APPBP2: variants seen among roughly 807,000 people sequenced by gnomAD.
APPBP2 encodes the protein amyloid protein-binding protein 2.
Under a neutral mutation model 76.0 loss-of-function variants are expected in APPBP2, and 15 were observed. That is an observed-to-expected ratio of 0.20 (90% CI 0.13 to 0.30). The LOEUF (loss-of-function observed/expected upper bound fraction) is 0.30. APPBP2 is among the 10% of genes least tolerant of loss of function. APPBP2 has a pLI of 1.00. For missense variants in APPBP2, 401 were observed against 687.2 expected (o/e 0.58, Z 4.66); for synonymous variants, 222 against 242.2 (o/e 0.92, Z 0.77).
At chr17:60,449,330 G>A (rs1258147352) in intron 12 of APPBP2, among the ~76,000 whole-genome samples, 2 of 152,158 alleles carry the variant, frequency 1.3e-5, no homozygotes, top group Non-Finnish European at 1.5e-5. Flanking sequence ...GGTGGCTCAC[G>A]CCTGTAATCC....
chr17:60,514,696 G>C lies in APPBP2; in HGVS notation c.138+11098C>G, dbSNP rs965174606. Among the ~76,000 whole-genome samples, 5 of 152,168 alleles carry C rather than the reference G, an allele frequency of 3.3e-5. 1 individual carries two copies. Among genetic ancestry groups the C allele is most frequent in the South Asian group, 4.1e-4 (2 of 4,832 alleles). Reference sequence around the variant, plus strand: ...ACAGGATTTTCCACACATTCAACAAGTATTCCTGGAAGAAAAATTCTTTAA... The same window carrying C: ...ACAGGATTTTCCACACATTCAACAACTATTCCTGGAAGAAAAATTCTTTAA... On this transcript the variant is annotated intron_variant, in intron 1 of 12. Coordinates refer to ENST00000083182, the MANE Select transcript of APPBP2 (RefSeq NM_006380.5).
chr17:60,490,586 T>C (rs956223639), intron 3 of APPBP2, among the ~76,000 whole-genome samples: 2 of 152,200 alleles, frequency 1.3e-5, no homozygotes. Context: ...GGAAGACTGC[T>C]TGAGCCCAAG....
intron 4 of APPBP2, among the ~76,000 whole-genome samples, chr17:60,466,908 T>C (rs2090515404): frequency 6.6e-6 from 1 of 152,182 alleles, no homozygotes; most frequent in African/African-American, 2.4e-5. Context: ...ATAATGTTCA[T>C]TTTTTCCAAT....
At chr17:60,495,944 T>G (rs188011882) in intron 2 of APPBP2, among the ~76,000 whole-genome samples, 1 of 152,302 alleles carries the variant, frequency 6.6e-6, no homozygotes, top group East Asian at 1.9e-4. Flanking sequence ...GATGGAAAAT[T>G]ATTCAGCCAT....
rs147531734 is a variant in APPBP2 at position 60,515,965 on chromosome 17, G to A, written c.138+9829C>T. On this transcript the variant is annotated intron_variant, in intron 1 of 12. Coordinates refer to ENST00000083182, the MANE Select transcript of APPBP2 (RefSeq NM_006380.5). ...AGATCACTTGAGGTCAGGAGTTGGA[G>A]ACCAGCTTGGCCAACATGGTGAAAA... 8.5e-3 allele frequency among the ~76,000 whole-genome samples: 1,289 copies of A among 152,282 alleles called. 18 individuals carry two copies. The highest frequency in any genetic ancestry group is 0.029 in the African/African-American group (1,194 of 41,560).
intron 12 of APPBP2, among the ~76,000 whole-genome samples, chr17:60,450,265 C>G (rs183808778): frequency 1.2e-3 from 180 of 151,520 alleles, no homozygotes; most frequent in Non-Finnish European, 2.4e-3. Context: ...GCTGAAACAC[C>G]GTCTCTACTA....
intron 1 of APPBP2, among the ~76,000 whole-genome samples, chr17:60,502,283 C>T (rs1028017183): frequency 1.2e-4 from 18 of 152,172 alleles, no homozygotes; most frequent in Admixed American, 1.1e-3. Flanking sequence ...GTAAGAGCTT[C>T]TGGGAATGCA....
intron 5 of APPBP2, 40 bp from the exon 6 acceptor site, chr17:60,464,150 A>G: frequency 6.6e-7 from 1 of 1,505,332 alleles, no homozygotes; most frequent in Non-Finnish European, 9.1e-7. Context: ...ACTGTGGTTA[A>G]ATCAAGTTGA....
At chr17:60,495,548 T>C (rs1461736263) in intron 2 of APPBP2, among the ~76,000 whole-genome samples, 2 of 151,948 alleles carry the variant, frequency 1.3e-5, no homozygotes, top group South Asian at 2.1e-4. Flanking sequence ...CATAGCTCAC[T>C]GTAGCCTTGA....
intron 1 of APPBP2, among the ~76,000 whole-genome samples, chr17:60,514,122 T>G (rs745310613): frequency 6.7e-6 from 1 of 150,068 alleles, no homozygotes; most frequent in South Asian, 2.1e-4. Flanking sequence ...GCCTGAACAA[T>G]GCGGCAAAAT....
intron 1 of APPBP2, among the ~76,000 whole-genome samples, chr17:60,520,021 C>G (rs926975911): frequency 1.3e-5 from 2 of 151,726 alleles, no homozygotes; most frequent in Non-Finnish European, 2.9e-5. Context: ...TGGACTCAAG[C>G]AAAATCCTCC....
chr17:60,463,366 TCCTAGAACTTTTGGAGGCTTG>T (rs1023017204), intron 6 of APPBP2, among the ~76,000 whole-genome samples: 4 of 152,188 alleles, frequency 2.6e-5, no homozygotes, highest in African/African-American at 4.8e-5. Context: ...GGACCTGTAA[TCCTAGAACTTTTGGAGGCTTG>T]CCTAGAACTT....
intron 1 of APPBP2, among the ~76,000 whole-genome samples, chr17:60,504,909 T>C (rs1295428185): frequency 6.6e-6 from 1 of 152,200 alleles, no homozygotes; most frequent in East Asian, 1.9e-4. Flanking sequence ...ATCTCATTCA[T>C]GTTTGGAACT....
At chr17:60,494,261 T>A (rs1439755406) in intron 3 of APPBP2, among the ~76,000 whole-genome samples, 1 of 152,230 alleles carries the variant, frequency 6.6e-6, no homozygotes, top group African/African-American at 2.4e-5. Flanking sequence ...ATTAATACCA[T>A]CACTTCGTTG....
chr17:60,515,086 C>G (rs59502975), intron 1 of APPBP2, among the ~76,000 whole-genome samples: 29,938 of 148,196 alleles, frequency 0.2, 10,019 homozygotes, highest in African/African-American at 0.7. Context: ...TTACAGGCAT[C>G]AACCACTGCG....
At chr17:60,461,945 TA>T in intron 7 of APPBP2, 30 bp from the exon 8 acceptor site, 1 of 1,607,572 alleles carries the variant, frequency 6.2e-7, no homozygotes, top group Non-Finnish European at 8.5e-7. Flanking sequence ...TATTAGGATA[TA>T]AAGTATAGAG....
chr17:60,478,896 C>T (rs1161984150), intron 4 of APPBP2, among the ~76,000 whole-genome samples: 4 of 151,736 alleles, frequency 2.6e-5, no homozygotes, highest in African/African-American at 7.3e-5. Flanking sequence ...GGTGAAAGAG[C>T]GAGACTCTGT....
chr17:60,523,221 T>C (rs763595034), intron 1 of APPBP2, among the ~76,000 whole-genome samples: 2 of 152,092 alleles, frequency 1.3e-5, no homozygotes, highest in Non-Finnish European at 2.9e-5. Context: ...CTCCTAAAAT[T>C]TTCACAAGTT....
Position 60,447,697 on chromosome 17 carries a change from C to T in APPBP2, c.1642G>A (p.Asp548Asn). The T allele has an allele frequency of 1.2e-6, 2 of 1,614,142 alleles. No homozygotes were observed. The highest frequency in any genetic ancestry group is 1.7e-6 in the Non-Finnish European group (2 of 1,180,036). The stretch of plus-strand genomic sequence containing the variant: ...GCATCTGTCACTGAATATTGCCGAT[C>T]TCGCAACCGGTTCCAGTTAGACAGA... Reference protein sequence around the residue: ...NVLSNWNRLRDRQYSVTDALE... With the variant: ...NVLSNWNRLRNRQYSVTDALE... The change falls in exon 13 of 13, where the codon GAT (aspartate) becomes AAT (asparagine). Residue 548 changes from aspartate (D) to asparagine (N), a missense_variant. Physicochemically the swap from Asp to Asn is conservative, Grantham distance 23. Transcript: ENST00000083182.
Sources: allele counts gnomAD v4.1 joint callset (sites outside exome capture counted in the v4.1 genomes callset), GRCh38; gene constraint gnomAD v4.1.1; transcripts MANE v1.5; gene names NCBI Gene and HGNC (gene_info 2026-07-23, HGNC 2026-07-21).